DOCK11: variants seen among roughly 807,000 people sequenced by gnomAD.
The protein encoded by DOCK11 is dedicator of cytokinesis 11.
In DOCK11, 70 loss-of-function variants were observed where a neutral mutation model predicts 169.1. That is an observed-to-expected ratio of 0.41 (90% confidence interval 0.34 to 0.51). The LOEUF (loss-of-function observed/expected upper bound fraction) is 0.51, where lower values mean the gene tolerates loss of function less well. Ranked by LOEUF, DOCK11 falls within the 20% of genes least tolerant of loss-of-function variation. The pLI, the probability that DOCK11 is intolerant of heterozygous loss-of-function variation, is 0.10. For synonymous variants in DOCK11, 529 were observed against 541.3 expected, an observed-to-expected ratio of 0.98 and a Z score of 0.32; for missense variants, 1,166 against 1,538.8, an observed-to-expected ratio of 0.76 and a Z score of 4.05.
At position 118,624,569 on chromosome X, in the gene DOCK11, C is replaced by G; in HGVS notation, c.3502C>G (p.Leu1168Val). ...ACAAGCCAAAATAGCACAATTGTAC[C>G]TCCCCTTTGTTGGACTACTTTTGGA... ...NQQAKIAQLY[L>V]PFVGLLLENI... Residue 1168 changes from leucine to valine, a missense_variant, in exon 32 of 53, where the codon CTC becomes GTC. Coordinates refer to ENST00000276202, the MANE Select transcript of DOCK11 (RefSeq NM_144658.4). 8.3e-7 allele frequency: 1 copy of G among 1,207,160 alleles called. No individual in the cohort carries two copies. Among genetic ancestry groups the G allele is most frequent in the Non-Finnish European group, 1.1e-6 (1 of 892,616 alleles).
At chrX:118,683,442 T>G (rs1016275581) in intron 52 of DOCK11, among the ~76,000 whole-genome samples, 1 of 112,214 alleles carries the variant, frequency 8.9e-6, no homozygotes, top group African/African-American at 3.2e-5. Context: ...ACCATTTTGT[T>G]TTTTGTGCTC....
At chrX:118,641,728 A>ATGT (rs1416558822) in intron 39 of DOCK11, among the ~76,000 whole-genome samples, 3 of 111,042 alleles carry the variant, frequency 2.7e-5, no homozygotes, top group African/African-American at 9.8e-5. Context: ...TTTTTCTCAG[A>ATGT]TGTTTGCCTC....
intron 48 of DOCK11, among the ~76,000 whole-genome samples, chrX:118,677,005 A>G (rs757879341): frequency 9.0e-5 from 10 of 111,497 alleles, no homozygotes; most frequent in African/African-American, 3.2e-4. Flanking sequence ...TAATAGTAGT[A>G]TTTTCCTCAT....
At chrX:118,540,338 C>T (rs1404604047) in intron 1 of DOCK11, among the ~76,000 whole-genome samples, 1 of 111,261 alleles carries the variant, frequency 9.0e-6, no homozygotes, top group African/African-American at 3.3e-5. Context: ...AGAAATTGAT[C>T]TCAGACTGTG....
intron 38 of DOCK11, among the ~76,000 whole-genome samples, chrX:118,640,801 C>CTATT (rs1556326662): frequency 9.1e-6 from 1 of 109,652 alleles, no homozygotes; most frequent in Non-Finnish European, 1.9e-5. Context: ...ACTGTGAGCC[C>CTATT]TCTTTTTTTT....
intron 1 of DOCK11, among the ~76,000 whole-genome samples, chrX:118,519,364 A>G (rs1256069038): frequency 8.9e-6 from 1 of 111,869 alleles, no homozygotes; most frequent in East Asian, 2.8e-4. Flanking sequence ...CCTGGCCAAC[A>G]TGGCGAAACC....
Position 118,572,263 on chromosome X carries a change from A to G in DOCK11, c.1036-60A>G, listed in dbSNP as rs1209570198. On this transcript the variant is annotated intron_variant, in intron 10 of 52. Transcript: ENST00000276202. The stretch of plus-strand genomic sequence containing the variant: ...GATTTTTGCCATTTTTTGTATATTG[A>G]TGTAAATCAATATGAATCCCATCTT... 11 of 1,022,620 alleles carry G rather than the reference A, an allele frequency of 1.1e-5. No homozygotes were observed. In the Admixed American group the frequency reaches 3.0e-4, roughly 28 times the overall value. The allele number at this position is 1,022,620 out of a possible 1,213,427, so 84.3% of individuals were successfully genotyped here. A position where few individuals can be genotyped will look rare whatever the true frequency, so the allele number is the denominator to read the frequency against.
rs1296884065 is a variant in DOCK11, at chrX:118,608,287, C to T, written c.2808C>T (p.Thr936=). 1 of 1,210,586 alleles carries T rather than the reference C, an allele frequency of 8.3e-7. No homozygotes were observed. Among genetic ancestry groups the T allele is most frequent in the East Asian group, 3.0e-5 (1 of 33,858 alleles). Residue 936 remains threonine (T), a synonymous_variant, in exon 26 of 53, where the codon ACC becomes ACT. Coordinates refer to ENST00000276202, the MANE Select transcript of DOCK11 (RefSeq NM_144658.4). ...SAPQAQLIHE[T]LATTMIAILK... is the part of the protein sequence containing the mutation. ...CTCAGGCCCAGCTGATACATGAAAC[C>T]CTGGCTACTACGATGATAGCAATAT...
At chrX:118,600,411 A>T (rs935963957) in intron 23 of DOCK11, among the ~76,000 whole-genome samples, 2 of 91,521 alleles carry the variant, frequency 2.2e-5, no homozygotes, top group African/African-American at 3.8e-5. Context: ...TTTTTTTTTA[A>T]AAAAAAAAAA....
chrX:118,609,904 T>G (rs2014637609), intron 27 of DOCK11, among the ~76,000 whole-genome samples: 1 of 112,513 alleles, frequency 8.9e-6, no homozygotes, highest in Non-Finnish European at 1.9e-5. Context: ...TTAATTATTT[T>G]TTATCAGAAT....
At chrX:118,604,066 T>C (rs2014421712) in intron 23 of DOCK11, among the ~76,000 whole-genome samples, 1 of 111,838 alleles carries the variant, frequency 8.9e-6, no homozygotes, top group East Asian at 2.8e-4. Flanking sequence ...CGTCGTAGGA[T>C]ATTTAGCAGC....
chrX:118,554,589 G>A (rs1249670459), intron 6 of DOCK11, among the ~76,000 whole-genome samples: 2 of 111,165 alleles, frequency 1.8e-5, no homozygotes, highest in Non-Finnish European at 3.8e-5. Context: ...TTTTTGGGGA[G>A]GTGAGACACA....
At chrX:118,636,199 T>C (rs1456188777) in intron 35 of DOCK11, 147 bp from the exon 36 acceptor site, 1 of 308,031 alleles carries the variant, frequency 3.2e-6, no homozygotes, top group Non-Finnish European at 5.9e-6. Flanking sequence ...GAGTGTATAC[T>C]GCGCAGTGGG....
At chrX:118,672,736 G>T (rs1245777680) in intron 46 of DOCK11, among the ~76,000 whole-genome samples, 1 of 113,008 alleles carries the variant, frequency 8.8e-6, no homozygotes, top group Non-Finnish European at 1.9e-5. Context: ...TGCCCGGCCT[G>T]GCCATGTATT....
chrX:118,624,531 T>C lies in DOCK11; in HGVS notation c.3472-8T>C. The C allele has an allele frequency of 8.8e-7, 1 of 1,136,320 alleles. No homozygotes were observed. Among genetic ancestry groups the C allele is most frequent in the South Asian group, 1.8e-5 (1 of 54,119 alleles). The allele number at this position is 1,136,320 out of a possible 1,213,427, so 93.6% of individuals were successfully genotyped here. ...ATACGTATTAAGCTTTCAATAATTA[T>C]TTTTCAGAACCAACAAGCCAAAATA... On this transcript the variant is annotated splice_polypyrimidine_tract_variant and splice_region_variant and intron_variant, in intron 31 of 52. Coordinates refer to ENST00000276202, the MANE Select transcript of DOCK11 (RefSeq NM_144658.4).
intron 1 of DOCK11, among the ~76,000 whole-genome samples, chrX:118,503,244 A>T (rs761645719): frequency 9.1e-6 from 1 of 110,122 alleles, no homozygotes; most frequent in African/African-American, 3.3e-5. Context: ...TATTTTTAGT[A>T]GAGATGGGGT....
Position 118,636,357 on chromosome X carries a change from A to G in DOCK11, c.3898A>G (p.Thr1300Ala), listed in dbSNP as rs780880520. ...TATTCCATTTTCAGATACTCTCTTA[A>G]CTTACTGGAATAAAGTATCACCTCA... ...VKMISEDTLL[T>A]YWNKVSPQEL... is the part of the protein sequence containing the mutation. Residue 1300 changes from threonine (T) to alanine (A), a missense_variant, in exon 36 of 53, where the codon ACT becomes GCT. Coordinates refer to ENST00000276202, the MANE Select transcript of DOCK11 (RefSeq NM_144658.4). The G allele has an allele frequency of 1.2e-5, 13 of 1,101,200 alleles. No individual in the cohort carries two copies. The highest frequency in any genetic ancestry group is 1.6e-5 in the Non-Finnish European group (13 of 814,525). 90.8% of individuals were successfully genotyped at this position (1,101,200 alleles called of 1,213,427 possible).
chrX:118,502,270 C>A (rs982952638), intron 1 of DOCK11, among the ~76,000 whole-genome samples: 4 of 111,559 alleles, frequency 3.6e-5, no homozygotes, highest in Non-Finnish European at 7.5e-5. Context: ...GTTCTTGAGC[C>A]GAAATTTACT....
chrX:118,628,586 C>T (rs747648475), intron 34 of DOCK11, among the ~76,000 whole-genome samples: 1 of 112,310 alleles, frequency 8.9e-6, no homozygotes, highest in South Asian at 3.6e-4. Context: ...TTATTTAAAA[C>T]GAAGCACATC....
Sources: gnomAD v4.1 joint callset for allele counts (sites outside exome capture counted in the v4.1 genomes callset) on GRCh38, gnomAD v4.1.1 for gene constraint, MANE v1.5 for transcripts, NCBI Gene and HGNC (gene_info 2026-07-23, HGNC 2026-07-21) for gene names.